The following ADGRG5 variants were observed in gnomAD, a reference collection of about 807,000 sequenced individuals.
The protein encoded by ADGRG5 is adhesion G protein-coupled receptor G5, also known as G protein-coupled receptor 114.
Under a neutral mutation model 53.2 loss-of-function variants are expected in ADGRG5, and 37 were observed. The observed-to-expected ratio is 0.70, with a 90% CI of 0.53 to 0.91. ADGRG5 has a LOEUF of 0.91. Among genes scored for constraint, ADGRG5 ranks in the 40% least tolerant of loss-of-function variants. The pLI, the probability that ADGRG5 is intolerant of heterozygous loss-of-function variation, is 0.00. For missense variants in ADGRG5, 614 were observed against 675.8 expected (o/e 0.91, Z 1.01); for synonymous variants, 277 against 290.4 (o/e 0.95, Z 0.47).
chr16:57,555,887 C>T (rs532687612), intron 1 of ADGRG5, among the ~76,000 whole-genome samples: 1 of 152,238 alleles, frequency 6.6e-6, no homozygotes, highest in African/African-American at 2.4e-5. Flanking sequence ...AGATTTCCCC[C>T]TTGCTGTTCT....
chr16:57,556,590 T>G (rs1416123955), intron 1 of ADGRG5, among the ~76,000 whole-genome samples: 1 of 152,222 alleles, frequency 6.6e-6, no homozygotes, highest in Non-Finnish European at 1.5e-5. Context: ...CACAACCAAA[T>G]ACTTCCATTT....
Position 57,562,257 on chromosome 16 carries a change from C to G in ADGRG5, c.64+100C>G, listed in dbSNP as rs1454951023. 5 of 1,422,614 alleles carry G rather than the reference C, an allele frequency of 3.5e-6. No individual in the cohort carries two copies. The African/African-American group carries it at 7.1e-5, about 20-fold the overall frequency. 88.1% of individuals were successfully genotyped at this position (1,422,614 alleles called of 1,614,324 possible). ...AACCATGGGAGATTGAAAAGGGCCA[C>G]TTAGGCTTCCTGGGGGCAGCAGGAG... is the stretch of plus-strand genomic sequence containing the variant. On this transcript the variant is annotated intron_variant, in intron 2 of 11. Coordinates refer to ENST00000349457, the MANE Select transcript of ADGRG5 (RefSeq NM_001304376.3).
chr16:57,574,726 G>A lies in ADGRG5; in HGVS notation c.1209-89G>A. On this transcript the variant is annotated intron_variant, in intron 10 of 11. Transcript: ENST00000349457. The surrounding 1 kb of genome is among the most constrained non-coding windows in gnomAD (Gnocchi z 4.4). ...GCAAGAAACAATAGGGCCTGAGCCA[G>A]GAGACCGAGTGGGGCTTCAGGGAGT... 1 of 1,392,596 alleles carries A rather than the reference G, an allele frequency of 7.2e-7. No individual in the cohort carries two copies. The highest frequency in any genetic ancestry group is 9.6e-7 in the Non-Finnish European group (1 of 1,037,828). 86.3% of individuals were successfully genotyped at this position (1,392,596 alleles called of 1,614,324 possible).
chr16:57,570,279 T>A (rs1303161438), intron 9 of ADGRG5, 139 bp from the exon 10 acceptor site: 6 of 585,116 alleles, frequency 1.0e-5, no homozygotes, highest in Non-Finnish European at 1.8e-5. Flanking sequence ...CTCATTGCTC[T>A]GAAGTTGGGG....
intron 9 of ADGRG5, among the ~76,000 whole-genome samples, chr16:57,568,852 T>C (rs2033234986): frequency 7.2e-6 from 1 of 139,160 alleles, no homozygotes; most frequent in Non-Finnish European, 1.5e-5. Flanking sequence ...CATCACCACC[T>C]CCTCCACCAT....
At chr16:57,537,641 C>T in the ADGRG5 span, among the ~76,000 whole-genome samples, 1 of 152,064 alleles carries the variant, frequency 6.6e-6, no homozygotes, top group Admixed American at 6.6e-5. Flanking sequence ...CACTCTGAAT[C>T]CTTTGATAGT....
chr16:57,533,152 C>T, the ADGRG5 span, among the ~76,000 whole-genome samples: 2 of 152,204 alleles, frequency 1.3e-5, no homozygotes, highest in East Asian at 1.9e-4. Context: ...TTCTCCTTCC[C>T]AGCGGCCTGG....
the ADGRG5 span, chr16:57,529,152 A>G: frequency 8.4e-7 from 1 of 1,184,706 alleles, no homozygotes; most frequent in Non-Finnish European, 1.0e-6. The surrounding 1 kb of genome is among the most constrained non-coding windows in gnomAD (Gnocchi z 4.1). Flanking sequence ...GGACTCGGCC[A>G]GCCGGGGGCT....
intron 8 of ADGRG5, 127 bp from the exon 9 acceptor site, chr16:57,567,729 C>A (rs191507248): frequency 1.4e-6 from 2 of 1,409,128 alleles, no homozygotes; most frequent in Admixed American, 1.9e-5. Context: ...CCTTGTGGTG[C>A]GACTGCTGTG....
Position 57,562,227 on chromosome 16 carries a change from C to T in ADGRG5, c.64+70C>T, listed in dbSNP as rs190137377. The stretch of plus-strand genomic sequence containing the variant: ...GGGACTGTGATGCAAAAGGGGGAGG[C>T]GTCAAACCATGGGAGATTGAAAAGG... On this transcript the variant is annotated intron_variant, in intron 2 of 11. Transcript: ENST00000349457. The T allele has an allele frequency of 4.0e-5, 60 of 1,499,828 alleles. No homozygotes were observed. In the African/African-American group the frequency reaches 5.1e-4, roughly 13 times the overall value. 92.9% of individuals were successfully genotyped at this position (1,499,828 alleles called of 1,614,324 possible).
At chr16:57,551,525 C>T (rs1296091149) in intron 1 of ADGRG5, among the ~76,000 whole-genome samples, 9 of 152,254 alleles carry the variant, frequency 5.9e-5, no homozygotes, top group Non-Finnish European at 7.4e-5. Flanking sequence ...CTATGAGAAG[C>T]GACTCCCCAT....
At chr16:57,535,077 T>C in the ADGRG5 span, among the ~76,000 whole-genome samples, 1 of 152,160 alleles carries the variant, frequency 6.6e-6, no homozygotes, top group East Asian at 1.9e-4. Flanking sequence ...GACAAGCCCA[T>C]GGCCACAGGC....
the ADGRG5 span, among the ~76,000 whole-genome samples, chr16:57,530,896 G>T: frequency 6.6e-6 from 1 of 151,814 alleles, no homozygotes; most frequent in Non-Finnish European, 1.5e-5. Flanking sequence ...CTGGTTTCCA[G>T]TCCCCTGTGA....
chr16:57,531,614 C>T, the ADGRG5 span, among the ~76,000 whole-genome samples: 2 of 152,158 alleles, frequency 1.3e-5, no homozygotes, highest in East Asian at 3.8e-4. Context: ...ACTGATTCCT[C>T]CCTAGCCTCA....
chr16:57,536,366 G>A, the ADGRG5 span: 6 of 152,254 alleles, frequency 3.9e-5, no homozygotes, highest in South Asian at 2.1e-4. Context: ...GGTTGCCGCG[G>A]GCGCCCCGAC....
chr16:57,562,222 G>A, intron 2 of ADGRG5, 65 bp downstream of exon 2: 1 of 1,513,358 alleles, frequency 6.6e-7, no homozygotes, highest in Non-Finnish European at 9.0e-7. Flanking sequence ...TGCAAAAGGG[G>A]GAGGCGTCAA....
chr16:57,559,998 C>T (rs373613895), intron 1 of ADGRG5, among the ~76,000 whole-genome samples: 56 of 152,196 alleles, frequency 3.7e-4, no homozygotes, highest in African/African-American at 1.3e-3. Flanking sequence ...TTTATTTTTG[C>T]ATTTATAAAC....
the ADGRG5 span, among the ~76,000 whole-genome samples, chr16:57,533,237 A>G: frequency 6.6e-6 from 1 of 151,848 alleles, no homozygotes; most frequent in South Asian, 2.1e-4. Flanking sequence ...CAGCACTCCC[A>G]CCTTTGCACT....
chr16:57,553,730 T>G (rs2032806364), intron 1 of ADGRG5, among the ~76,000 whole-genome samples: 1 of 152,250 alleles, frequency 6.6e-6, no homozygotes, highest in Non-Finnish European at 1.5e-5. Context: ...CCTGTAGTGA[T>G]TTTAACTGGA....
Sources: gnomAD v4.1 joint callset for allele counts (sites outside exome capture counted in the v4.1 genomes callset) on GRCh38, gnomAD v4.1.1 for gene constraint, Gnocchi (gnomAD v3.1) non-coding constraint, MANE v1.5 for transcripts, NCBI Gene and HGNC (gene_info 2026-07-23, HGNC 2026-07-21) for gene names.